PLCB1: variants seen among roughly 807,000 people sequenced by gnomAD.
PLCB1 encodes phospholipase C beta 1, also known as 1-phosphatidylinositol 4,5-bisphosphate phosphodiesterase beta-1.
In PLCB1, 46 loss-of-function variants were observed where a neutral mutation model predicts 161.8. The observed-to-expected ratio is 0.28, with a 90% CI of 0.22 to 0.36. The LOEUF (loss-of-function observed/expected upper bound fraction) is 0.36. Among genes scored for constraint, PLCB1 ranks in the 10% least tolerant of loss-of-function variants. PLCB1 has a pLI of 1.00. For synonymous variants in PLCB1, 517 were observed against 503.7 expected (o/e 1.03, Z -0.35); for missense variants, 1,016 against 1,472.5 (o/e 0.69, Z 5.07).
intron 31 of PLCB1, among the ~76,000 whole-genome samples, chr20:8,807,744 G>C (rs1221068849): frequency 6.6e-6 from 1 of 152,034 alleles, no homozygotes; most frequent in Non-Finnish European, 1.5e-5. Context: ...TCAGTGTCCA[G>C]GGCAGTAGCA....
intron 2 of PLCB1, among the ~76,000 whole-genome samples, chr20:8,257,695 A>G (rs907956927): frequency 1.3e-5 from 2 of 152,200 alleles, no homozygotes; most frequent in Non-Finnish European, 2.9e-5. Flanking sequence ...CTGGTAGGCA[A>G]TAAATGTTAA....
chr20:8,826,088 G>A (rs1985681989), intron 31 of PLCB1, among the ~76,000 whole-genome samples: 1 of 152,152 alleles, frequency 6.6e-6, no homozygotes, highest in Non-Finnish European at 1.5e-5. Context: ...GAAGTCATGT[G>A]GATGGTGAAA....
intron 31 of PLCB1, among the ~76,000 whole-genome samples, chr20:8,829,995 C>T (rs1985905717): frequency 6.6e-6 from 1 of 152,204 alleles, no homozygotes; most frequent in African/African-American, 2.4e-5. Context: ...AATCCTAAAT[C>T]TCTTTTCAAA....
At chr20:8,358,606 C>T (rs538073581) in intron 2 of PLCB1, among the ~76,000 whole-genome samples, 18 of 152,078 alleles carry the variant, frequency 1.2e-4, no homozygotes, top group Non-Finnish European at 1.8e-4. Context: ...TCCTTCCTTC[C>T]GTTCTCTTTA....
intron 14 of PLCB1, among the ~76,000 whole-genome samples, chr20:8,719,876 G>A (rs1442569696): frequency 6.6e-6 from 1 of 152,024 alleles, no homozygotes; most frequent in Admixed American, 6.6e-5. Context: ...AGTAGCCTGA[G>A]ACTCTGATTT....
At chr20:8,617,123 C>T (rs1315458568) in intron 3 of PLCB1, among the ~76,000 whole-genome samples, 2 of 152,116 alleles carry the variant, frequency 1.3e-5, no homozygotes, top group Non-Finnish European at 2.9e-5. Flanking sequence ...TTCCCAGGAG[C>T]ATAGAGTCAT....
chr20:8,657,639 C>G (rs558494453), intron 8 of PLCB1, among the ~76,000 whole-genome samples: 1 of 152,142 alleles, frequency 6.6e-6, no homozygotes, highest in African/African-American at 2.4e-5. Context: ...TATTTTATCT[C>G]TCTGAGCCAC....
rs369673157 is a variant in PLCB1, at chr20:8,827,767, C to T, written c.3423+37506C>T. 2.2e-4 allele frequency among the ~76,000 whole-genome samples: 34 copies of T among 152,236 alleles called. 1 individual carries two copies. Among genetic ancestry groups the T allele is most frequent in the African/African-American group, 6.5e-4 (27 of 41,536 alleles). ...CTAAGAATGATTTTGACATTTTGAA[C>T]GGATTGAAAAATAATCAAACGAAGA... On this transcript the variant is annotated intron_variant, in intron 31 of 31. Transcript: ENST00000338037.
chr20:8,188,796 A>AT (rs2051934386), intron 2 of PLCB1, among the ~76,000 whole-genome samples: 1 of 152,154 alleles, frequency 6.6e-6, no homozygotes, highest in Non-Finnish European at 1.5e-5. Flanking sequence ...AAACGTTAAC[A>AT]TATCAGCTTT....
At chr20:8,577,609 G>T (rs1986716356) in intron 3 of PLCB1, among the ~76,000 whole-genome samples, 1 of 151,946 alleles carries the variant, frequency 6.6e-6, no homozygotes, top group African/African-American at 2.4e-5. Context: ...ATAAGTCTTG[G>T]CACTTAAGAG....
chr20:8,465,005 T>G (rs898337637), intron 3 of PLCB1, among the ~76,000 whole-genome samples: 1 of 152,214 alleles, frequency 6.6e-6, no homozygotes, highest in Non-Finnish European at 1.5e-5. Flanking sequence ...TAATAGTTAC[T>G]TCTTCCTTAA....
intron 31 of PLCB1, among the ~76,000 whole-genome samples, chr20:8,819,412 T>C: frequency 6.6e-6 from 1 of 152,222 alleles, no homozygotes; most frequent in South Asian, 2.1e-4. Context: ...TATAAATCTT[T>C]AGAATATTAT....
chr20:8,713,316 G>A (rs1979121395), intron 12 of PLCB1, among the ~76,000 whole-genome samples: 2 of 152,122 alleles, frequency 1.3e-5, no homozygotes, highest in South Asian at 4.1e-4. Flanking sequence ...CTAAGTAGCT[G>A]GTATTACAGG....
At chr20:8,304,478 G>T (rs1294531555) in intron 2 of PLCB1, among the ~76,000 whole-genome samples, 1 of 151,614 alleles carries the variant, frequency 6.6e-6, no homozygotes, top group Non-Finnish European at 1.5e-5. Context: ...AATCCATTGA[G>T]CCTGGTTTAT....
At chr20:8,202,155 C>G (rs556092642) in intron 2 of PLCB1, among the ~76,000 whole-genome samples, 5 of 152,300 alleles carry the variant, frequency 3.3e-5, no homozygotes, top group African/African-American at 1.2e-4. Context: ...CTGCTCATTG[C>G]AAACTCCGCC....
intron 3 of PLCB1, among the ~76,000 whole-genome samples, chr20:8,609,900 T>C (rs1987857645): frequency 6.6e-6 from 1 of 152,212 alleles, no homozygotes; most frequent in South Asian, 2.1e-4. Context: ...TGAATATCTG[T>C]ATTTGCACAC....
rs371880004 is a variant in PLCB1, at chr20:8,577,552, A to G, written c.247-50742A>G. Among the ~76,000 whole-genome samples the G allele has an allele frequency of 1.1e-3, 170 of 152,264 alleles. 1 individual carries two copies. Among genetic ancestry groups the G allele is most frequent in the African/African-American group, 3.8e-3 (157 of 41,554 alleles). ...CAATCTTAACTGGCAAAACTAAAAA[A>G]TCAAAATATTAATAATTCCCCCACG... On this transcript the variant is annotated intron_variant, in intron 3 of 31. Transcript: ENST00000338037.
intron 1 of PLCB1, among the ~76,000 whole-genome samples, chr20:8,144,575 C>T (rs1343590668): frequency 2.6e-5 from 4 of 152,128 alleles, no homozygotes; most frequent in Non-Finnish European, 4.4e-5. Flanking sequence ...TGCTGATACA[C>T]GTGGATGTTT....
chr20:8,320,020 G>C (rs1207997589), intron 2 of PLCB1, among the ~76,000 whole-genome samples: 1 of 151,976 alleles, frequency 6.6e-6, no homozygotes, highest in Non-Finnish European at 1.5e-5. Context: ...TTTAAAAAAA[G>C]AAAGAAAGTG....
Sources: allele counts gnomAD v4.1 joint callset (sites outside exome capture counted in the v4.1 genomes callset), GRCh38; gene constraint gnomAD v4.1.1; transcripts MANE v1.5; gene names NCBI Gene and HGNC (gene_info 2026-07-23, HGNC 2026-07-21).